DLC1: variants seen among roughly 807,000 people sequenced by gnomAD.
The protein encoded by DLC1 is DLC1 Rho GTPase activating protein, also known as rho GTPase-activating protein 7.
DLC1 carries 54 observed loss-of-function variants against 140.3 expected under a neutral mutation model. That is an observed-to-expected ratio of 0.38 (90% CI 0.31 to 0.48). The LOEUF is 0.48. Ranked by LOEUF, DLC1 falls within the 20% of genes least tolerant of loss-of-function variation. DLC1 has a pLI of 0.96. For synonymous variants in DLC1, 986 were observed against 728.1 expected, an observed-to-expected ratio of 1.35 and a Z score of -5.70; for missense variants, 2,536 against 1,907.0, an observed-to-expected ratio of 1.33 and a Z score of -6.14.
chr8:13,095,385 A>G (rs1458722445), intron 10 of DLC1, 140 bp from the exon 11 acceptor site: 1 of 1,096,962 alleles, frequency 9.1e-7, no homozygotes, highest in East Asian at 2.5e-5. Context: ...ATTAAACAAA[A>G]TGACAAATTC....
chr8:13,304,838 G>A (rs951152635), intron 5 of DLC1: 3 of 981,032 alleles, frequency 3.1e-6, no homozygotes, highest in Non-Finnish European at 3.6e-6. Flanking sequence ...TATTCACATT[G>A]CTTCATCACT....
At chr8:13,431,511 A>AAAG (rs1554519025) in intron 2 of DLC1, among the ~76,000 whole-genome samples, 20 of 132,138 alleles carry the variant, frequency 1.5e-4, no homozygotes, top group East Asian at 4.7e-4. Context: ...AAAAAAAAAA[A>AAAG]AAAAGAAAAG....
At chr8:13,116,629 G>A (rs796744792) in intron 5 of DLC1, among the ~76,000 whole-genome samples, 3 of 152,270 alleles carry the variant, frequency 2.0e-5, no homozygotes, top group African/African-American at 7.2e-5. Flanking sequence ...TATCAGAAGT[G>A]TAACACATCT....
chr8:13,452,678 C>G (rs191938650), intron 2 of DLC1, among the ~76,000 whole-genome samples: 56 of 152,218 alleles, frequency 3.7e-4, no homozygotes, highest in African/African-American at 1.3e-3. Context: ...TCACATATAG[C>G]AAAAATATTA....
chr8:13,268,143 C>T (rs1421041669), intron 5 of DLC1, among the ~76,000 whole-genome samples: 1 of 152,136 alleles, frequency 6.6e-6, no homozygotes, highest in Non-Finnish European at 1.5e-5. Context: ...ATCACTCTAT[C>T]TTAAATAGTG....
At chr8:13,192,018 T>A (rs1332421140) in intron 5 of DLC1, among the ~76,000 whole-genome samples, 2 of 150,538 alleles carry the variant, frequency 1.3e-5, no homozygotes, top group Non-Finnish European at 3.0e-5. Flanking sequence ...CTCGGCTCAC[T>A]GCAGCCTCTG....
intron 2 of DLC1, among the ~76,000 whole-genome samples, chr8:13,458,507 A>T (rs181429267): frequency 6.6e-6 from 1 of 152,166 alleles, no homozygotes; most frequent in African/African-American, 2.4e-5. Context: ...TTCCCTTGTT[A>T]TTTGAAATGC....
At chr8:13,173,366 C>CT (rs1825588231) in intron 5 of DLC1, among the ~76,000 whole-genome samples, 2 of 117,800 alleles carry the variant, frequency 1.7e-5, no homozygotes, top group African/African-American at 3.2e-5. Context: ...TTGTTCTGCC[C>CT]TCTTTTTTTT....
intron 1 of DLC1, among the ~76,000 whole-genome samples, chr8:13,576,519 A>C (rs559359646): frequency 5.8e-4 from 88 of 152,356 alleles, no homozygotes; most frequent in African/African-American, 2.0e-3. Context: ...GATCCTGAAA[A>C]GTTGTAAAAG....
chr8:13,276,245 C>G, intron 5 of DLC1: 2 of 1,535,152 alleles, frequency 1.3e-6, no homozygotes, highest in Non-Finnish European at 1.7e-6. Context: ...GGTCTCCAAT[C>G]CCCCTCTGCC....
intron 2 of DLC1, among the ~76,000 whole-genome samples, chr8:13,407,814 C>T (rs542718500): frequency 6.6e-6 from 1 of 152,146 alleles, no homozygotes; most frequent in Non-Finnish European, 1.5e-5. Context: ...AAGAAAGGGA[C>T]CTTTTAGCAA....
intron 5 of DLC1, among the ~76,000 whole-genome samples, chr8:13,155,312 T>C (rs964789727): frequency 6.6e-5 from 10 of 151,938 alleles, no homozygotes; most frequent in African/African-American, 2.4e-4. Context: ...CTGGTGCCTG[T>C]AGGTTTTTTA....
At chr8:13,320,214 T>C (rs1430446089) in intron 4 of DLC1, among the ~76,000 whole-genome samples, 2 of 152,186 alleles carry the variant, frequency 1.3e-5, no homozygotes, top group South Asian at 2.1e-4. Flanking sequence ...ATTTCAAATA[T>C]GAACACTAGA....
chr8:13,487,410 A>T (rs1268293541), intron 2 of DLC1, among the ~76,000 whole-genome samples: 1 of 152,120 alleles, frequency 6.6e-6, no homozygotes, highest in East Asian at 1.9e-4. Context: ...TCAGTCTCAA[A>T]ATTTATACAA....
chr8:13,212,054 T>C (rs150546260), intron 5 of DLC1, among the ~76,000 whole-genome samples: 2 of 152,296 alleles, frequency 1.3e-5, no homozygotes, highest in South Asian at 2.1e-4. Context: ...CTGTCCCTGA[T>C]AGACAAAACA....
intron 1 of DLC1, among the ~76,000 whole-genome samples, chr8:13,522,415 A>G (rs1207416482): frequency 6.6e-6 from 1 of 152,134 alleles, no homozygotes; most frequent in Non-Finnish European, 1.5e-5. Flanking sequence ...ACCTGAGGTC[A>G]GGAGTTCAAG....
intron 2 of DLC1, among the ~76,000 whole-genome samples, chr8:13,469,998 C>A (rs1213899642): frequency 6.6e-6 from 1 of 152,126 alleles, no homozygotes; most frequent in Non-Finnish European, 1.5e-5. Context: ...GGATTTCCCT[C>A]AATTTTTATT....
At chr8:13,274,252 G>T (rs558618377) in intron 5 of DLC1, among the ~76,000 whole-genome samples, 1 of 152,300 alleles carries the variant, frequency 6.6e-6, no homozygotes, top group South Asian at 2.1e-4. Flanking sequence ...ATCTTCATTT[G>T]ACTAACTGAG....
chr8:13,389,858 G>T (rs572843131), intron 4 of DLC1, among the ~76,000 whole-genome samples: 7 of 152,242 alleles, frequency 4.6e-5, no homozygotes, highest in African/African-American at 1.7e-4. Context: ...GTGCTGTAAT[G>T]ATTGTGTCAT....
Sources: gnomAD v4.1 joint callset for allele counts (sites outside exome capture counted in the v4.1 genomes callset) on GRCh38, gnomAD v4.1.1 for gene constraint, MANE v1.5 for transcripts, NCBI Gene and HGNC (gene_info 2026-07-23, HGNC 2026-07-21) for gene names.